The following LDAH variants were observed in gnomAD, a reference collection of about 807,000 sequenced individuals.
The protein encoded by LDAH is lipid droplet-associated hydrolase.
In LDAH, 26 loss-of-function variants were observed where a neutral mutation model predicts 29.6. That is an observed-to-expected ratio of 0.88 (90% confidence interval 0.64 to 1.22). The LOEUF (loss-of-function observed/expected upper bound fraction) is 1.22. Ranked by LOEUF, LDAH falls within the 50% of genes most tolerant of loss-of-function variation. The pLI is 0.00. For missense variants in LDAH, 344 were observed against 387.3 expected (o/e 0.89, Z 0.94); for synonymous variants, 117 against 133.0 (o/e 0.88, Z 0.83).
At chr2:20,820,509 TG>T (rs1391627125) in intron 1 of LDAH, among the ~76,000 whole-genome samples, 1 of 152,150 alleles carries the variant, frequency 6.6e-6, no homozygotes, top group African/African-American at 2.4e-5. Flanking sequence ...AAACAAGAAA[TG>T]GGGAAAGGAT....
chr2:20,775,658 A>G (rs1669766581), intron 3 of LDAH, among the ~76,000 whole-genome samples: 1 of 152,244 alleles, frequency 6.6e-6, no homozygotes, highest in African/African-American at 2.4e-5. Flanking sequence ...TTAAATAATC[A>G]GCAGTCCTGA....
chr2:20,743,064 A>G (rs1667307245), intron 4 of LDAH, among the ~76,000 whole-genome samples: 1 of 151,928 alleles, frequency 6.6e-6, no homozygotes, highest in Admixed American at 6.6e-5. Flanking sequence ...CACCAGGCCT[A>G]TTTGGTGCAC....
chr2:20,704,542 AC>A (rs1004985361), intron 5 of LDAH, among the ~76,000 whole-genome samples: 1 of 152,234 alleles, frequency 6.6e-6, no homozygotes, highest in African/African-American at 2.4e-5. Flanking sequence ...ATAGTAACTG[AC>A]AAAAAACAAA....
In LDAH at chr2:20,755,041, C is replaced by T. The variant is rs185685265; in HGVS notation, c.469-14836G>A. Among the ~76,000 whole-genome samples the T allele has an allele frequency of 3.3e-4, 50 of 151,954 alleles. 1 individual carries two copies. Among genetic ancestry groups the T allele is most frequent in the African/African-American group, 1.1e-3 (46 of 41,400 alleles). ...AAGAGAATATTCTTATTCTTAAGAACATCTTAAGGAGGTCTTTAGGGATAA... is the reference window on the plus strand; with the variant it reads ...AAGAGAATATTCTTATTCTTAAGAATATCTTAAGGAGGTCTTTAGGGATAA... On this transcript the variant is annotated intron_variant, in intron 4 of 6. Transcript: ENST00000237822.
At chr2:20,810,825 C>T (rs1185339663) in intron 1 of LDAH, among the ~76,000 whole-genome samples, 1 of 152,182 alleles carries the variant, frequency 6.6e-6, no homozygotes, top group Non-Finnish European at 1.5e-5. Context: ...ATTAAATTCT[C>T]ACAGGAACGC....
chr2:20,704,003 G>T (rs1664139000), intron 5 of LDAH, among the ~76,000 whole-genome samples: 1 of 152,208 alleles, frequency 6.6e-6, no homozygotes, highest in East Asian at 1.9e-4. Flanking sequence ...AGATAAGTCT[G>T]TGCAGTGACA....
Position 20,686,950 on chromosome 2 carries a change from C to G in LDAH, c.931G>C (p.Ala311Pro). 1 of 1,614,000 alleles carries G rather than the reference C, an allele frequency of 6.2e-7. No homozygotes were observed. The highest frequency in any genetic ancestry group is 2.2e-5 in the East Asian group (1 of 44,884). Residue 311 changes from alanine (A) to proline (P), a missense_variant, in exon 7 of 7, where the codon GCA (alanine) becomes CCA (proline). Physicochemically the swap from Ala to Pro is conservative, Grantham distance 27. Transcript: ENST00000237822. The part of the protein sequence containing the change: ...AFITHFNQEM[A>P]DMIADSLKDD... Reference sequence around the variant, plus strand: ...TTTAGGGAGTCAGCAATCATGTCTGCCATTTCCTGGTTAAAATGGGTGATG... The same window carrying G: ...TTTAGGGAGTCAGCAATCATGTCTGGCATTTCCTGGTTAAAATGGGTGATG...
At chr2:20,692,081 T>C (rs1663077597) in intron 6 of LDAH, among the ~76,000 whole-genome samples, 2 of 152,206 alleles carry the variant, frequency 1.3e-5, no homozygotes, top group African/African-American at 2.4e-5. Context: ...TAGATTAAAA[T>C]GAGTTCCACC....
At chr2:20,786,398 C>T (rs932496919) in intron 3 of LDAH, among the ~76,000 whole-genome samples, 1 of 152,134 alleles carries the variant, frequency 6.6e-6, no homozygotes, top group Admixed American at 6.5e-5. Context: ...TCACGTTGGC[C>T]AGGCTGGTCA....
chr2:20,743,020 G>C (rs113577875), intron 4 of LDAH, among the ~76,000 whole-genome samples: 4,825 of 151,774 alleles, frequency 0.032, 256 homozygotes, highest in African/African-American at 0.11. Context: ...GCCTCAGCCT[G>C]CCAAAGTGCT....
chr2:20,810,207 G>A (rs1333486086), intron 1 of LDAH, among the ~76,000 whole-genome samples: 2 of 152,172 alleles, frequency 1.3e-5, no homozygotes, highest in African/African-American at 2.4e-5. Context: ...AAGTATCTTT[G>A]TTCATATGCT....
intron 3 of LDAH, among the ~76,000 whole-genome samples, chr2:20,784,895 CAAAA>C (rs1056119493): frequency 2.0e-5 from 3 of 150,944 alleles, no homozygotes; most frequent in Non-Finnish European, 4.4e-5. Flanking sequence ...TCAAAAAAAA[CAAAA>C]AAAACAAAAA....
intron 4 of LDAH, among the ~76,000 whole-genome samples, chr2:20,764,176 A>G (rs1258778877): frequency 8.3e-6 from 1 of 120,166 alleles, no homozygotes; most frequent in Non-Finnish European, 2.0e-5. Context: ...CAGAAAAGAT[A>G]ATGTGTGTGT....
chr2:20,746,344 T>C (rs1456412539), intron 4 of LDAH, among the ~76,000 whole-genome samples: 1 of 152,118 alleles, frequency 6.6e-6, no homozygotes, highest in Non-Finnish European at 1.5e-5. Context: ...TAAAAATATA[T>C]AAGCAACCAC....
intron 1 of LDAH, among the ~76,000 whole-genome samples, chr2:20,814,216 G>C (rs914754542): frequency 1.9e-4 from 21 of 111,290 alleles, no homozygotes; most frequent in South Asian, 4.3e-4. Context: ...TATACTGTCA[G>C]TGAGTCTGAC....
intron 4 of LDAH, among the ~76,000 whole-genome samples, chr2:20,745,638 C>T (rs898634548): frequency 6.6e-6 from 1 of 151,960 alleles, no homozygotes; most frequent in Non-Finnish European, 1.5e-5. Flanking sequence ...AATCTATATA[C>T]TTTCTATTTG....
At chr2:20,798,942 A>G (rs544651161) in intron 2 of LDAH, among the ~76,000 whole-genome samples, 1 of 152,184 alleles carries the variant, frequency 6.6e-6, no homozygotes, top group Non-Finnish European at 1.5e-5. Context: ...AGAAACGAGT[A>G]AAGGCCAGGC....
rs538018180 is a variant in LDAH at position 20,745,138 on chromosome 2, G to A, written c.469-4933C>T. 2.6e-5 allele frequency among the ~76,000 whole-genome samples: 4 copies of A among 152,320 alleles called. No individual in the cohort carries two copies. In the East Asian group the frequency reaches 7.7e-4, roughly 29 times the overall value. ...TTTCTGTATATGTCTTTTGGTGCAT[G>A]TATGCATGTACTTCTGTTGGCTGTA... On this transcript the variant is annotated intron_variant, in intron 4 of 6. Transcript: ENST00000237822.
At chr2:20,793,644 C>G (rs114177306) in intron 2 of LDAH, among the ~76,000 whole-genome samples, 2,240 of 152,076 alleles carry the variant, frequency 0.015, 59 homozygotes, top group African/African-American at 0.05. Context: ...ATCTAAGTAA[C>G]ATTAAAAGAG....
Sources: allele counts gnomAD v4.1 joint callset (sites outside exome capture counted in the v4.1 genomes callset), GRCh38; gene constraint gnomAD v4.1.1; transcripts MANE v1.5; gene names NCBI Gene and HGNC (gene_info 2026-07-23, HGNC 2026-07-21).